Variants in RYR3 observed in about 807,000 individuals in gnomAD.
The protein encoded by RYR3 is ryanodine receptor 3.
In RYR3, 207 loss-of-function variants were observed where a neutral mutation model predicts 584.3. The observed-to-expected ratio is 0.35, with a 90% CI of 0.32 to 0.40. The LOEUF (loss-of-function observed/expected upper bound fraction) is 0.40, where lower values mean the gene tolerates loss of function less well. Among genes scored for constraint, RYR3 ranks in the 10% least tolerant of loss-of-function variants. The probability of loss-of-function intolerance (pLI) is 1.00; values close to 1 mark genes in which losing one functional copy is unlikely to be tolerated. For synonymous variants in RYR3, 2,416 were observed against 2,248.5 expected (o/e 1.07, Z -2.11); for missense variants, 5,616 against 6,089.2 (o/e 0.92, Z 2.59).
At chr15:33,531,468 GGCTT>G (rs2054863482) in intron 4 of RYR3, among the ~76,000 whole-genome samples, 1 of 151,900 alleles carries the variant, frequency 6.6e-6, no homozygotes, top group South Asian at 2.1e-4. Flanking sequence ...GTGTAAGAAA[GGCTT>G]GTCATTTTCC....
chr15:33,588,081 A>G (rs2058945996), intron 16 of RYR3, among the ~76,000 whole-genome samples: 1 of 152,256 alleles, frequency 6.6e-6, no homozygotes, highest in Admixed American at 6.5e-5. Context: ...CAACAACAGT[A>G]ATGATAACCA....
chr15:33,797,283 T>G (rs997251887), intron 67 of RYR3, among the ~76,000 whole-genome samples: 3 of 152,042 alleles, frequency 2.0e-5, no homozygotes, highest in Admixed American at 1.3e-4. Context: ...CTGCAGATGA[T>G]AAAAGAGACC....
intron 98 of RYR3, 124 bp from the exon 99 acceptor site, chr15:33,857,656 C>T: frequency 8.2e-7 from 1 of 1,212,590 alleles, no homozygotes; most frequent in Non-Finnish European, 1.2e-6. Flanking sequence ...GCCCTCCACC[C>T]CTTCCCCATT....
intron 60 of RYR3, among the ~76,000 whole-genome samples, chr15:33,758,165 C>T (rs2072037771): frequency 6.6e-6 from 1 of 152,228 alleles, no homozygotes; most frequent in African/African-American, 2.4e-5. Flanking sequence ...GAGATTCCCT[C>T]AGGTGCCTAC....
chr15:33,597,629 A>G (rs903396478), intron 16 of RYR3, among the ~76,000 whole-genome samples: 2 of 151,936 alleles, frequency 1.3e-5, no homozygotes, highest in African/African-American at 4.8e-5. Flanking sequence ...AAAAAAAAAA[A>G]AAAGATTTTA....
intron 1 of RYR3, among the ~76,000 whole-genome samples, chr15:33,352,524 G>A (rs1463662290): frequency 2.0e-5 from 3 of 152,094 alleles, no homozygotes; most frequent in East Asian, 3.9e-4. Flanking sequence ...TTGACTTAAC[G>A]AGATAGAAGC....
chr15:33,329,583 T>C (rs993021149), intron 1 of RYR3, among the ~76,000 whole-genome samples: 1 of 151,824 alleles, frequency 6.6e-6, no homozygotes, highest in Admixed American at 6.6e-5. Context: ...TGAGCATCTT[T>C]GTCGAAAGAA....
rs568871922 is a variant in RYR3, at chr15:33,810,543, C to T, written c.10091C>T (p.Thr3364Ile). 1 of 1,614,000 alleles carries T rather than the reference C, an allele frequency of 6.2e-7. No individual in the cohort carries two copies. Among genetic ancestry groups the T allele is most frequent in the African/African-American group, 1.3e-5 (1 of 75,054 alleles). ...KRRGDLYSIQ[T>I]SLIVAALKKM... ...CGGGGAGACTTGTATTCCATCCAGA[C>T]CTCCCTCATCGTGGCTGCACTCAAG... The change falls in exon 71 of 104, where the codon ACC (threonine) becomes ATC (isoleucine). Residue 3364 changes from threonine (T) to isoleucine (I), a missense_variant. Around this residue, in one of 9 missense-constraint regions of RYR3, gnomAD observed 954 missense variants for 1,132.2 expected, o/e 0.84. Coordinates refer to ENST00000634891, the MANE Select transcript of RYR3 (RefSeq NM_001036.6).
At chr15:33,487,498 G>A (rs1252364312) in intron 2 of RYR3, among the ~76,000 whole-genome samples, 1 of 152,182 alleles carries the variant, frequency 6.6e-6, no homozygotes. Flanking sequence ...GTTTGACCTA[G>A]ACATTCTTTT....
intron 10 of RYR3, 60 bp downstream of exon 10, chr15:33,550,376 A>G: frequency 6.7e-7 from 1 of 1,501,132 alleles, no homozygotes; most frequent in South Asian, 1.3e-5. Flanking sequence ...AGAAACCTCC[A>G]GGCAGAACTA....
At chr15:33,340,041 G>C (rs968288446) in intron 1 of RYR3, among the ~76,000 whole-genome samples, 1 of 152,210 alleles carries the variant, frequency 6.6e-6, no homozygotes, top group African/African-American at 2.4e-5. Context: ...TCCAAAGGGC[G>C]TTTGGCCACT....
At chr15:33,792,513 C>T (rs2075223853) in intron 67 of RYR3, among the ~76,000 whole-genome samples, 1 of 152,112 alleles carries the variant, frequency 6.6e-6, no homozygotes. Flanking sequence ...GCTGTGTGTC[C>T]CAGTTCACCA....
chr15:33,679,274 A>G (rs994382522), intron 38 of RYR3, among the ~76,000 whole-genome samples: 10 of 151,866 alleles, frequency 6.6e-5, no homozygotes, highest in Admixed American at 2.0e-4. Context: ...CAAAAAGGCC[A>G]TCAAGTTGCC....
In RYR3 at chr15:33,585,821, C is replaced by T. The variant is rs566530277; in HGVS notation, c.1670-177C>T. Among the ~76,000 whole-genome samples the T allele has an allele frequency of 3.3e-5, 5 of 152,300 alleles. No individual in the cohort carries two copies. In the South Asian group the frequency reaches 8.3e-4, roughly 25 times the overall value. ...TACAGACTGGTTGGCCCCCAGGGGGCTCTGAAGTCTACCGGAAATGATGCA... is the reference window on the plus strand; with the variant it reads ...TACAGACTGGTTGGCCCCCAGGGGGTTCTGAAGTCTACCGGAAATGATGCA... On this transcript the variant is annotated intron_variant, in intron 15 of 103. Coordinates refer to ENST00000634891, the MANE Select transcript of RYR3 (RefSeq NM_001036.6).
chr15:33,710,991 C>G (rs2067069987), intron 43 of RYR3, among the ~76,000 whole-genome samples: 1 of 152,228 alleles, frequency 6.6e-6, no homozygotes, highest in African/African-American at 2.4e-5. Context: ...TCCTCATTAT[C>G]TTGGATGTTA....
At chr15:33,639,334 G>A (rs541339046) in intron 27 of RYR3, among the ~76,000 whole-genome samples, 17 of 152,214 alleles carry the variant, frequency 1.1e-4, no homozygotes, top group Admixed American at 3.9e-4. Flanking sequence ...CAAGATAATT[G>A]GAAAGCTCTT....
intron 18 of RYR3, among the ~76,000 whole-genome samples, chr15:33,609,082 C>T (rs1391711297): frequency 6.6e-6 from 1 of 152,188 alleles, no homozygotes; most frequent in East Asian, 1.9e-4. Context: ...CCTCAGAGGA[C>T]GGGAGAGAGG....
chr15:33,686,694 T>C (rs11631255), intron 38 of RYR3, among the ~76,000 whole-genome samples: 63,822 of 152,072 alleles, frequency 0.42, 15,632 homozygotes, highest in East Asian at 0.64. Flanking sequence ...ACTGGCAAAC[T>C]GAATCCAGTA....
chr15:33,523,173 A>T (rs767828715), intron 3 of RYR3, among the ~76,000 whole-genome samples: 1 of 152,134 alleles, frequency 6.6e-6, no homozygotes. Flanking sequence ...AAAATGGACC[A>T]ATCAGCACTC....
Sources: allele counts gnomAD v4.1 joint callset (sites outside exome capture counted in the v4.1 genomes callset), GRCh38; gene constraint gnomAD v4.1.1; regional missense constraint gnomAD v4.1.1; transcripts MANE v1.5; gene names NCBI Gene and HGNC (gene_info 2026-07-23, HGNC 2026-07-21).